The following ZNF718 variants were observed in gnomAD, a reference collection of about 807,000 sequenced individuals.
ZNF718 encodes zinc finger protein 718.
In ZNF718, 3 loss-of-function variants were observed where a neutral mutation model predicts 2.6. The observed-to-expected ratio is 1.16, with a 90% confidence interval of 0.53 to 3.01. The LOEUF (loss-of-function observed/expected upper bound fraction) is 3.01, where lower values mean the gene tolerates loss of function less well. Among genes scored for constraint, ZNF718 ranks in the 30% most tolerant of loss-of-function variants. ZNF718 has a pLI of 0.03. For missense variants in ZNF718, 468 were observed against 230.0 expected (o/e 2.03, Z -6.69); for synonymous variants, 135 against 77.9 (o/e 1.73, Z -3.86).
downstream of ZNF718, among the ~76,000 whole-genome samples, chr4:168,044 A>G (rs1252620817): frequency 6.6e-6 from 1 of 152,096 alleles, no homozygotes; most frequent in African/African-American, 2.4e-5. Context: ...TAATTTATTG[A>G]GAGTTTTTAG....
intron 3 of ZNF718, among the ~76,000 whole-genome samples, chr4:160,091 C>T (rs1471553070): frequency 1.3e-5 from 2 of 152,202 alleles, no homozygotes; most frequent in Non-Finnish European, 2.9e-5. Context: ...GCTGTCTGCT[C>T]ATGAAACATT....
chr4:193,296 T>G (rs1560133670), intron 3 of ZNF718, among the ~76,000 whole-genome samples: 1 of 152,136 alleles, frequency 6.6e-6, no homozygotes, highest in Non-Finnish European at 1.5e-5. Flanking sequence ...GATTGCCACC[T>G]CTTTAGGTTT....
At chr4:186,572 T>C (rs1717569685) in intron 3 of ZNF718, among the ~76,000 whole-genome samples, 1 of 152,146 alleles carries the variant, frequency 6.6e-6, no homozygotes, top group Non-Finnish European at 1.5e-5. Context: ...TATCCTGAAA[T>C]ATGTTCATAC....
At chr4:130,740 T>C (rs1715329538) in intron 1 of ZNF718, 48 bp from the exon 2 acceptor site, 2 of 270,206 alleles carry the variant, frequency 7.4e-6, no homozygotes, top group Admixed American at 6.7e-5. Context: ...GGACTCCGTA[T>C]TAAAAAAAAA....
At chr4:157,099 C>A in intron 3 of ZNF718, among the ~76,000 whole-genome samples, 2 of 58,916 alleles carry the variant, frequency 3.4e-5, no homozygotes, top group South Asian at 5.7e-4. Context: ...TTCTTTCTTT[C>A]TTTCTTTTTT....
At chr4:172,914 G>T (rs11248006) in intron 3 of ZNF718, among the ~76,000 whole-genome samples, 21,331 of 151,904 alleles carry the variant, frequency 0.14, 1,962 homozygotes, top group Admixed American at 0.24. Context: ...CCATGGTGGG[G>T]TGCACCTGTA....
chr4:146,187 T>G (rs1716051178), intron 3 of ZNF718, among the ~76,000 whole-genome samples: 1 of 146,970 alleles, frequency 6.8e-6, no homozygotes, highest in Admixed American at 6.7e-5. Flanking sequence ...CTCATTAACA[T>G]TTTTTTGTAA....
Position 162,313 on chromosome 4 carries a change from G to T in ZNF718, c.*191G>T. ...GAAAAATGTGGAAAAGCCTTCAAAT[G>T]CTTGTCACATATTACTGAATATAAT... On this transcript the variant is annotated 3_prime_UTR_variant, in exon 4 of 4. Coordinates refer to ENST00000510175, the MANE Select transcript of ZNF718 (RefSeq NM_001039127.6). 2.1e-6 allele frequency: 1 copy of T among 478,916 alleles called. No individual in the cohort carries two copies. Among genetic ancestry groups the T allele is most frequent in the Non-Finnish European group, 3.7e-6 (1 of 271,144 alleles). 29.7% of individuals were successfully genotyped at this position (478,916 alleles called of 1,614,324 possible).
intron 3 of ZNF718, among the ~76,000 whole-genome samples, chr4:194,107 T>TA (rs1350628765): frequency 1.3e-5 from 2 of 152,112 alleles, no homozygotes; most frequent in African/African-American, 4.8e-5. Context: ...ATCTCTATTA[T>TA]AAAAAACCAA....
intron 3 of ZNF718, among the ~76,000 whole-genome samples, chr4:177,101 T>C (rs1235632135): frequency 6.6e-6 from 1 of 152,162 alleles, no homozygotes; most frequent in Non-Finnish European, 1.5e-5. Context: ...TCACACCAGA[T>C]CAGCTCAGAA....
downstream of ZNF718, among the ~76,000 whole-genome samples, chr4:168,773 A>G (rs1418519969): frequency 6.6e-5 from 10 of 151,730 alleles, no homozygotes; most frequent in Admixed American, 4.6e-4. Context: ...CTAGTGGTCT[A>G]TCAATTTTGT....
At chr4:155,575 T>C (rs1312610487) in intron 3 of ZNF718, among the ~76,000 whole-genome samples, 1 of 152,204 alleles carries the variant, frequency 6.6e-6, no homozygotes, top group African/African-American at 2.4e-5. Flanking sequence ...CTTCCTTGTT[T>C]TGGCCAATTT....
At chr4:131,560 A>C (rs1369134003) in intron 3 of ZNF718, 55 bp downstream of exon 3, 3,558 of 324,104 alleles carry the variant, frequency 0.011, 1,111 homozygotes, top group African/African-American at 0.089. Context: ...AAAGTCAAGA[A>C]GGAAGCCAGG....
chr4:169,116 T>G (rs1717163411), downstream of ZNF718, among the ~76,000 whole-genome samples: 1 of 152,186 alleles, frequency 6.6e-6, no homozygotes, highest in African/African-American at 2.4e-5. Flanking sequence ...ATGTACCCAG[T>G]AGTCATTCAG....
intron 3 of ZNF718, among the ~76,000 whole-genome samples, chr4:194,537 C>T (rs782793177): frequency 6.6e-6 from 1 of 152,182 alleles, no homozygotes; most frequent in Non-Finnish European, 1.5e-5. Flanking sequence ...ACTGAGATAT[C>T]AGAGATCGCC....
chr4:173,881 A>G (rs1391754266), intron 3 of ZNF718, among the ~76,000 whole-genome samples: 1 of 152,140 alleles, frequency 6.6e-6, no homozygotes, highest in African/African-American at 2.4e-5. Flanking sequence ...ACCACTTATC[A>G]CCACCTACAA....
intron 3 of ZNF718, among the ~76,000 whole-genome samples, chr4:155,366 A>G (rs1421990649): frequency 6.6e-6 from 1 of 151,942 alleles, no homozygotes; most frequent in Non-Finnish European, 1.5e-5. Flanking sequence ...ATCCACAGAC[A>G]CTCAACACCA....
rs1178761577 is a variant in ZNF718 at position 162,075 on chromosome 4, T to TC, written c.1392dup (p.Asn465GlnfsTer6). ...ATGCGGGAAAGCTTTTAAGCAGTAC[T>TC]CCAACCTTCCTCAACATAAGAGAAC... is the stretch of plus-strand genomic sequence containing the variant. On this transcript the variant is annotated frameshift_variant, in exon 4 of 4. Coordinates refer to ENST00000510175, the MANE Select transcript of ZNF718 (RefSeq NM_001039127.6). LOFTEE classifies it high-confidence loss of function. The TC allele has an allele frequency of 6.9e-5, 53 of 771,504 alleles. No homozygotes were observed. The East Asian group carries it at 1.2e-3, about 18-fold the overall frequency. 47.8% of individuals were successfully genotyped at this position (771,504 alleles called of 1,614,324 possible). A position where few individuals can be genotyped will look rare whatever the true frequency, so the allele number is the denominator to read the frequency against.
At chr4:134,250 C>T (rs1553808897) in intron 3 of ZNF718, among the ~76,000 whole-genome samples, 1 of 152,058 alleles carries the variant, frequency 6.6e-6, no homozygotes, top group Non-Finnish European at 1.5e-5. Context: ...GGGTTCACAC[C>T]ATTCTCCTGC....
Sources: gnomAD v4.1 joint callset for allele counts (sites outside exome capture counted in the v4.1 genomes callset) on GRCh38, gnomAD v4.1.1 for gene constraint, MANE v1.5 for transcripts, NCBI Gene and HGNC (gene_info 2026-07-23, HGNC 2026-07-21) for gene names.